The following TENM1 variants were observed in gnomAD, a reference collection of about 807,000 sequenced individuals.
TENM1 encodes the protein teneurin-1.
In TENM1, 35 loss-of-function variants were observed where a neutral mutation model predicts 174.8. That is an observed-to-expected ratio of 0.20 (90% confidence interval 0.15 to 0.27). The LOEUF (loss-of-function observed/expected upper bound fraction) is 0.27. Ranked by LOEUF, TENM1 falls within the 10% of genes least tolerant of loss-of-function variation. The pLI is 1.00. For missense variants in TENM1, 1,633 were observed against 2,130.1 expected, an observed-to-expected ratio of 0.77 and a Z score of 4.59; for synonymous variants, 781 against 798.7, an observed-to-expected ratio of 0.98 and a Z score of 0.37.
At chrX:124,730,280 GATAGCA>G (rs1009776121) in intron 4 of TENM1, among the ~76,000 whole-genome samples, 4 of 111,898 alleles carry the variant, frequency 3.6e-5, no homozygotes, top group African/African-American at 9.7e-5. Flanking sequence ...GTTAGATAAA[GATAGCA>G]ATAGGGACAA....
intron 11 of TENM1, among the ~76,000 whole-genome samples, chrX:124,641,444 G>A (rs903197904): frequency 6.3e-5 from 7 of 111,672 alleles, no homozygotes; most frequent in South Asian, 7.6e-4. Context: ...GAAATATTTC[G>A]CAGATGGTTG....
chrX:124,399,732 T>C (rs2060378408), intron 27 of TENM1, among the ~76,000 whole-genome samples: 1 of 111,602 alleles, frequency 9.0e-6, no homozygotes, highest in Non-Finnish European at 1.9e-5. Context: ...TTTAGGAGGC[T>C]GAGGTGGGCG....
chrX:124,849,870 T>G (rs774810117), intron 3 of TENM1, among the ~76,000 whole-genome samples: 3 of 112,193 alleles, frequency 2.7e-5, no homozygotes, highest in African/African-American at 9.7e-5. Context: ...ATCAGCTATT[T>G]TGTTTACTAC....
chrX:125,060,379 T>A, the TENM1 span, among the ~76,000 whole-genome samples: 5 of 110,660 alleles, frequency 4.5e-5, no homozygotes, highest in Non-Finnish European at 9.4e-5. Flanking sequence ...TACAGACAGA[T>A]CTACAATGAA....
At chrX:124,379,399 T>C (rs2060133146) in exon 32 of TENM1, 1 of 112,596 alleles carries the variant, frequency 8.9e-6, no homozygotes. Context: ...AATACAGAAT[T>C]GTACATTTGA....
intron 1 of TENM1, among the ~76,000 whole-genome samples, chrX:124,918,881 A>G (rs1390547017): frequency 1.8e-5 from 2 of 111,953 alleles, no homozygotes; most frequent in Non-Finnish European, 3.8e-5. Flanking sequence ...ATTTGATTAC[A>G]GATCTGTTCC....
At chrX:124,583,289 T>C (rs2049382229) in intron 11 of TENM1, among the ~76,000 whole-genome samples, 2 of 111,014 alleles carry the variant, frequency 1.8e-5, no homozygotes, top group Non-Finnish European at 3.8e-5. Flanking sequence ...CACCCCCCAG[T>C]AGGGGCAGAC....
chrX:124,953,211 C>T (rs2058517039), intron 1 of TENM1, among the ~76,000 whole-genome samples: 1 of 111,795 alleles, frequency 8.9e-6, no homozygotes, highest in Non-Finnish European at 1.9e-5. Flanking sequence ...TGAAATATTG[C>T]TACATTTCAA....
At chrX:124,778,363 C>T (rs934606655) in intron 3 of TENM1, among the ~76,000 whole-genome samples, 1 of 111,632 alleles carries the variant, frequency 9.0e-6, no homozygotes, top group Non-Finnish European at 1.9e-5. Context: ...GAGTTTTCTT[C>T]CTTTTTATCC....
intron 5 of TENM1, among the ~76,000 whole-genome samples, chrX:124,681,487 G>A (rs2052232523): frequency 8.9e-6 from 1 of 111,759 alleles, no homozygotes; most frequent in Admixed American, 9.5e-5. Flanking sequence ...CTTTAATGCA[G>A]TAATTATTTG....
At chrX:124,576,977 G>A (rs1189305375) in intron 11 of TENM1, among the ~76,000 whole-genome samples, 2 of 111,910 alleles carry the variant, frequency 1.8e-5, no homozygotes, top group African/African-American at 6.5e-5. Flanking sequence ...ACACGTCTAA[G>A]TCCCCAAGCA....
At chrX:124,751,705 T>C (rs1354038084) in intron 3 of TENM1, among the ~76,000 whole-genome samples, 3 of 93,482 alleles carry the variant, frequency 3.2e-5, no homozygotes, top group Non-Finnish European at 6.3e-5. Context: ...TGTGTTCTCA[T>C]TGTTCAATTC....
intron 1 of TENM1, among the ~76,000 whole-genome samples, chrX:124,929,146 G>A (rs967849916): frequency 9.0e-6 from 1 of 111,280 alleles, no homozygotes; most frequent in South Asian, 3.8e-4. Context: ...TGTCTTATGC[G>A]TTATAGGATG....
intron 3 of TENM1, among the ~76,000 whole-genome samples, chrX:124,785,377 T>A (rs1017022371): frequency 8.9e-6 from 1 of 111,808 alleles, no homozygotes; most frequent in Admixed American, 9.5e-5. Context: ...CGGGTCACCT[T>A]ATTCAGGAAT....
chrX:124,466,083 T>C (rs1208466826), intron 22 of TENM1, among the ~76,000 whole-genome samples: 2 of 111,480 alleles, frequency 1.8e-5, no homozygotes, highest in Non-Finnish European at 3.8e-5. Context: ...AAAATAAATA[T>C]ATTTAAAGTA....
At chrX:124,786,934 A>G (rs190356085) in intron 3 of TENM1, among the ~76,000 whole-genome samples, 2 of 111,969 alleles carry the variant, frequency 1.8e-5, no homozygotes, top group Admixed American at 9.5e-5. Context: ...ACTATTCTTT[A>G]AAAAATAATG....
chrX:125,092,690 A>G, the TENM1 span, among the ~76,000 whole-genome samples: 1 of 111,883 alleles, frequency 8.9e-6, no homozygotes, highest in Non-Finnish European at 1.9e-5. Flanking sequence ...ACCAGAAAAT[A>G]ATAAGGAACA....
At chrX:124,900,608 G>A (rs369358417) in intron 1 of TENM1, among the ~76,000 whole-genome samples, 90 of 111,232 alleles carry the variant, frequency 8.1e-4, no homozygotes, top group African/African-American at 2.9e-3. Context: ...AAAACAACAA[G>A]GAGACTTTTG....
chrX:124,937,331 T>C (rs2147739049), intron 1 of TENM1, among the ~76,000 whole-genome samples: 1 of 111,854 alleles, frequency 8.9e-6, no homozygotes, highest in Non-Finnish European at 1.9e-5. Context: ...CCCAAAGGCA[T>C]ATGTTTATTT....
Sources: allele counts gnomAD v4.1 joint callset (sites outside exome capture counted in the v4.1 genomes callset), GRCh38; gene constraint gnomAD v4.1.1; transcripts MANE v1.5; gene names NCBI Gene and HGNC (gene_info 2026-07-23, HGNC 2026-07-21).